Variants in RCL1 observed in about 807,000 individuals in gnomAD.
RCL1 encodes RNA 3'-terminal phosphate cyclase-like protein.
Under a neutral mutation model 42.4 loss-of-function variants are expected in RCL1, and 24 were observed. The ratio of observed to expected loss-of-function variants is 0.57; its 90% confidence interval spans 0.41 to 0.80. RCL1 has a LOEUF of 0.80. Among genes scored for constraint, RCL1 ranks in the 30% least tolerant of loss-of-function variants. RCL1 has a pLI of 0.00. For synonymous variants in RCL1, 228 were observed against 177.3 expected, an observed-to-expected ratio of 1.29 and a Z score of -2.27; for missense variants, 578 against 467.9, an observed-to-expected ratio of 1.24 and a Z score of -2.17.
At chr9:4,823,516 CTCTTT>C (rs778845058) in intron 1 of RCL1, 27 bp from the exon 2 acceptor site, 2 of 1,562,960 alleles carry the variant, frequency 1.3e-6, no homozygotes, top group South Asian at 2.2e-5. Context: ...AGTCTGTCTT[CTCTTT>C]TCTTCACAGA....
At position 4,838,027 on chromosome 9, in the gene RCL1, G is replaced by C. The variant is rs188579537; in HGVS notation, c.585-3205G>C. Among the ~76,000 whole-genome samples, 13 of 152,320 alleles carry C rather than the reference G, an allele frequency of 8.5e-5. No homozygotes were observed. The East Asian group carries it at 2.5e-3, about 29-fold the overall frequency. ...AAACACCTCAAAGGAATGTTGGTTT[G>C]AATGGAGATCGCCCTCTTCTCCAGT... On this transcript the variant is annotated intron_variant, in intron 5 of 8. Transcript: ENST00000381750.
At chr9:4,825,744 A>G (rs553580191) in intron 2 of RCL1, among the ~76,000 whole-genome samples, 22 of 152,284 alleles carry the variant, frequency 1.4e-4, no homozygotes, top group African/African-American at 5.3e-4. Flanking sequence ...TCTAGTAAGA[A>G]GCTTTTTGGA....
At chr9:4,820,833 C>G (rs749494799) in intron 1 of RCL1, among the ~76,000 whole-genome samples, 5 of 152,202 alleles carry the variant, frequency 3.3e-5, no homozygotes, top group Non-Finnish European at 5.9e-5. Context: ...TTCCGTCGTT[C>G]AGATACTTTC....
chr9:4,845,390 T>C (rs75240363), intron 7 of RCL1, among the ~76,000 whole-genome samples: 2,794 of 152,306 alleles, frequency 0.018, 85 homozygotes, highest in African/African-American at 0.064. Flanking sequence ...TGAGACCAAT[T>C]TGCCCTCTCA....
chr9:4,834,919 T>C (rs1246657997), intron 5 of RCL1, among the ~76,000 whole-genome samples: 1 of 152,230 alleles, frequency 6.6e-6, no homozygotes, highest in Non-Finnish European at 1.5e-5. Context: ...ATGACAGAGC[T>C]AGGATTTGAA....
intron 1 of RCL1, among the ~76,000 whole-genome samples, chr9:4,818,211 G>A (rs994366518): frequency 6.6e-6 from 1 of 151,924 alleles, no homozygotes; most frequent in South Asian, 2.1e-4. Flanking sequence ...ATAAGCCACC[G>A]CGCCCGGCCC....
In RCL1 at chr9:4,792,947, C is replaced by T; in HGVS notation, c.-145C>T. 1.2e-6 allele frequency: 1 copy of T among 820,880 alleles called. No homozygotes were observed. Among genetic ancestry groups the T allele is most frequent in the South Asian group, 2.0e-5 (1 of 50,742 alleles). 50.8% of individuals were successfully genotyped at this position (820,880 alleles called of 1,614,324 possible). On this transcript the variant is annotated 5_prime_UTR_variant, in exon 1 of 9. Transcript: ENST00000381750. Reference sequence around the variant, plus strand: ...AGTCTCTCCGTCTTCCTGTTCCAAACCACGTGGACGCGTCTGGGCTGCTGG... The same window carrying T: ...AGTCTCTCCGTCTTCCTGTTCCAAATCACGTGGACGCGTCTGGGCTGCTGG...
chr9:4,839,797 A>C (rs920941016), intron 5 of RCL1: 1 of 969,882 alleles, frequency 1.0e-6, no homozygotes, highest in African/African-American at 1.8e-5. Context: ...CCTTGCCCTT[A>C]TAGAGTGTGT....
intron 1 of RCL1, among the ~76,000 whole-genome samples, chr9:4,799,411 C>T (rs928146081): frequency 6.6e-6 from 1 of 152,100 alleles, no homozygotes; most frequent in African/African-American, 2.4e-5. Context: ...CCAGTTTCCC[C>T]CAATGGTGAT....
intron 1 of RCL1, among the ~76,000 whole-genome samples, chr9:4,802,433 T>C (rs755924219): frequency 6.6e-6 from 1 of 152,236 alleles, no homozygotes; most frequent in African/African-American, 2.4e-5. Flanking sequence ...ATATGTCCAT[T>C]TGGGGATAAT....
At chr9:4,806,064 T>TGTGTGTG (rs1219639380) in intron 1 of RCL1, among the ~76,000 whole-genome samples, 4,225 of 138,898 alleles carry the variant, frequency 0.03, 116 homozygotes, top group African/African-American at 0.054. Context: ...GTGTGTGTGT[T>TGTGTGTG]TGTGTGTGTA....
intron 4 of RCL1, 135 bp from the exon 5 acceptor site, chr9:4,834,006 G>A: frequency 1.0e-6 from 1 of 963,644 alleles, no homozygotes; most frequent in Non-Finnish European, 1.5e-6. Flanking sequence ...GGTCTTGAAG[G>A]GAATGACAGA....
chr9:4,841,420 G>A lies in RCL1; in HGVS notation c.710+63G>A. 3.7e-6 allele frequency: 5 copies of A among 1,341,312 alleles called. No homozygotes were observed. The South Asian group carries it at 3.8e-5, about 10-fold the overall frequency. The allele number at this position is 1,341,312 out of a possible 1,614,324, so 83.1% of individuals were successfully genotyped here. ...TTTTCACATGCCTGTTCTAGTTGAA[G>A]TTAAAACTGCCAGCTCTGAGGTTGC... On this transcript the variant is annotated intron_variant, in intron 6 of 8. Coordinates refer to ENST00000381750, the MANE Select transcript of RCL1 (RefSeq NM_005772.5).
intron 5 of RCL1, 119 bp downstream of exon 5, chr9:4,834,384 A>G (rs1271121986): frequency 8.3e-7 from 1 of 1,205,180 alleles, no homozygotes; most frequent in Non-Finnish European, 1.1e-6. Flanking sequence ...TACAACTTTG[A>G]AAAGTCTTAA....
chr9:4,807,877 A>G (rs573592468), intron 1 of RCL1, among the ~76,000 whole-genome samples: 6 of 152,206 alleles, frequency 3.9e-5, no homozygotes, highest in African/African-American at 1.4e-4. Flanking sequence ...ATTTTCTGCT[A>G]TTGATTTTAA....
chr9:4,818,080 C>T (rs1383956830), intron 1 of RCL1, among the ~76,000 whole-genome samples: 3 of 151,826 alleles, frequency 2.0e-5, no homozygotes, highest in African/African-American at 7.3e-5. Context: ...ACCACCTTGC[C>T]CAGCTCATTT....
chr9:4,811,468 C>G (rs546449549), intron 1 of RCL1, among the ~76,000 whole-genome samples: 3 of 152,236 alleles, frequency 2.0e-5, no homozygotes, highest in East Asian at 3.9e-4. Flanking sequence ...ATTCTATCCT[C>G]TACTTGCTAT....
chr9:4,846,465 T>A (rs1415427550), intron 7 of RCL1, among the ~76,000 whole-genome samples: 2 of 152,250 alleles, frequency 1.3e-5, no homozygotes, highest in African/African-American at 4.8e-5. Context: ...CTAAATTTAA[T>A]AATTTTGTGA....
chr9:4,840,999 C>T (rs1817298542), intron 5 of RCL1, among the ~76,000 whole-genome samples: 1 of 151,974 alleles, frequency 6.6e-6, no homozygotes, highest in African/African-American at 2.4e-5. Context: ...GGGTTGAGGA[C>T]CTCCAGCTTT....
Sources: gnomAD v4.1 joint callset for allele counts (sites outside exome capture counted in the v4.1 genomes callset) on GRCh38, gnomAD v4.1.1 for gene constraint, MANE v1.5 for transcripts, NCBI Gene and HGNC (gene_info 2026-07-23, HGNC 2026-07-21) for gene names.